AZU1: variants seen among roughly 807,000 people sequenced by gnomAD.
The protein encoded by AZU1 is azurocidin.
AZU1 carries 21 observed loss-of-function variants against 17.8 expected under a neutral mutation model. The observed-to-expected ratio is 1.18, with a 90% CI of 0.84 to 1.70. The LOEUF is 1.70. Among genes scored for constraint, AZU1 ranks in the 40% most tolerant of loss-of-function variants. The pLI is 0.00. For synonymous variants in AZU1, 178 were observed against 155.2 expected (o/e 1.15, Z -1.09); for missense variants, 379 against 362.9 (o/e 1.04, Z -0.36).
rs561671859 is a variant in AZU1, at chr19:831,934, G to A, written c.*57G>A. On this transcript the variant is annotated 3_prime_UTR_variant, in exon 5 of 5. Coordinates refer to ENST00000233997, the MANE Select transcript of AZU1 (RefSeq NM_001700.5). ...CCGCCCTCCACACCTCCGGCGCTCCGCACCCACCTCCCACGGCCCCGCCCC... is the reference window on the plus strand; with the variant it reads ...CCGCCCTCCACACCTCCGGCGCTCCACACCCACCTCCCACGGCCCCGCCCC... 71 of 1,555,446 alleles carry A rather than the reference G, an allele frequency of 4.6e-5. No homozygotes were observed. The highest frequency in any genetic ancestry group is 3.6e-4 in the East Asian group (16 of 44,130).
intron 2 of AZU1, among the ~76,000 whole-genome samples, chr19:828,624 G>T (rs977793393): frequency 6.6e-6 from 1 of 150,498 alleles, no homozygotes; most frequent in South Asian, 2.1e-4. Context: ...GTCAGATGGA[G>T]GAGGCCCAGA....
intron 3 of AZU1, 100 bp downstream of exon 3, chr19:829,806 T>G: frequency 3.5e-6 from 5 of 1,445,228 alleles, no homozygotes; most frequent in South Asian, 1.3e-5. Context: ...ATACAAAAAT[T>G]AGCCGGGAGT....
chr19:828,803 G>T (rs1227794320), intron 2 of AZU1, among the ~76,000 whole-genome samples: 50 of 132,786 alleles, frequency 3.8e-4, no homozygotes, highest in East Asian at 1.2e-3. Flanking sequence ...GAGGCCCAGA[G>T]AAGGGAAGGG....
At position 831,896 on chromosome 19, in the gene AZU1, A is replaced by G. The variant is rs761981708; in HGVS notation, c.*19A>G. 4 of 1,605,506 alleles carry G rather than the reference A, an allele frequency of 2.5e-6. No homozygotes were observed. Among genetic ancestry groups the G allele is most frequent in the African/African-American group, 1.3e-5 (1 of 74,838 alleles). On this transcript the variant is annotated 3_prime_UTR_variant, in exon 5 of 5. Coordinates refer to ENST00000233997, the MANE Select transcript of AZU1 (RefSeq NM_001700.5). Reference sequence around the variant, plus strand: ...AGCCTAGGGGGGCCTGTGACCTCCCATGGAGCCCAGCCCCGCCCTCCACAC... The same window carrying G: ...AGCCTAGGGGGGCCTGTGACCTCCCGTGGAGCCCAGCCCCGCCCTCCACAC...
intron 4 of AZU1, 95 bp from the exon 5 acceptor site, chr19:831,621 T>A: frequency 1.5e-6 from 2 of 1,343,400 alleles, no homozygotes; most frequent in South Asian, 2.9e-5. Context: ...GGATCAGGAC[T>A]TGTAGGTTCC....
chr19:828,588 G>A (rs945018582), intron 2 of AZU1, among the ~76,000 whole-genome samples: 15 of 151,484 alleles, frequency 9.9e-5, no homozygotes, highest in Non-Finnish European at 1.8e-4. Context: ...GGGCTCAGAT[G>A]GAGGAGGCCC....
At chr19:830,977 G>T in intron 4 of AZU1, 36 bp downstream of exon 4, 1 of 1,582,648 alleles carries the variant, frequency 6.3e-7, no homozygotes. Flanking sequence ...GGGGTCCTGA[G>T]AGGTACTGAG....
At chr19:829,184 TGGG>T (rs2035253542) in intron 2 of AZU1, among the ~76,000 whole-genome samples, 1 of 57,708 alleles carries the variant, frequency 1.7e-5, no homozygotes, top group Non-Finnish European at 3.1e-5. Context: ...TGGGGTCAGA[TGGG>T]GGAGGTGCAG....
chr19:831,487 C>G, intron 4 of AZU1: 1 of 543,756 alleles, frequency 1.8e-6, no homozygotes, highest in Non-Finnish European at 3.2e-6. Flanking sequence ...GTGTGATTGC[C>G]AGGGGAGGGG....
At chr19:830,978 A>T in intron 4 of AZU1, 37 bp downstream of exon 4, 1 of 1,582,612 alleles carries the variant, frequency 6.3e-7, no homozygotes, top group Non-Finnish European at 8.6e-7. Context: ...GGGTCCTGAG[A>T]GGTACTGAGC....
chr19:829,470 G>T (rs2035258999), intron 2 of AZU1, 92 bp from the exon 3 acceptor site: 3 of 1,489,610 alleles, frequency 2.0e-6, no homozygotes, highest in Admixed American at 1.9e-5. Flanking sequence ...CAGTCTGCAG[G>T]CTGGGATCCC....
intron 2 of AZU1, among the ~76,000 whole-genome samples, chr19:828,932 G>A (rs664110): frequency 0.61 from 50,351 of 83,088 alleles, 15,728 homozygotes; most frequent in African/African-American, 0.83. Flanking sequence ...GAGGAGGTGC[G>A]GAGAAGGGAA....
In AZU1 at chr19:828,260, G is replaced by A. The variant is rs2035239087; in HGVS notation, c.89G>A (p.Gly30Asp). ...AGCCCCCTTTTGGACATCGTTGGCG[G>A]CCGGAAGGCGAGGCCCCGCCAGTTC... ...GSSPLLDIVG[G>D]RKARPRQFPF... Residue 30 changes from glycine (G) to aspartate (D), a missense_variant, in exon 2 of 5, where the codon GGC becomes GAC. By Grantham distance (94) the Gly-to-Asp change is moderately conservative. Transcript: ENST00000233997. 1 of 1,608,374 alleles carries A rather than the reference G, an allele frequency of 6.2e-7. No individual in the cohort carries two copies. The highest frequency in any genetic ancestry group is 8.5e-7 in the Non-Finnish European group (1 of 1,178,622).
At position 831,476 on chromosome 19, in the gene AZU1, C is replaced by T. The variant is rs544878561; in HGVS notation, c.595-240C>T. 65 of 534,674 alleles carry T rather than the reference C, an allele frequency of 1.2e-4. 1 individual carries two copies. Among genetic ancestry groups the T allele is most frequent in the Admixed American group, 5.4e-4 (17 of 31,206 alleles). The allele number at this position is 534,674 out of a possible 1,614,324, so 33.1% of individuals were successfully genotyped here. On this transcript the variant is annotated intron_variant, in intron 4 of 4. Coordinates refer to ENST00000233997, the MANE Select transcript of AZU1 (RefSeq NM_001700.5). ...AGAGCCGGTCACTGAGGGACTCAGG[C>T]GTGTGATTGCCAGGGGAGGGGCACC...
In AZU1 at chr19:831,954, C is replaced by T. The variant is rs974198206; in HGVS notation, c.*77C>T. On this transcript the variant is annotated 3_prime_UTR_variant, in exon 5 of 5. Transcript: ENST00000233997. ...GCTCCGCACCCACCTCCCACGGCCCCGCCCCTGCCCCCGCTCCGGCCAGAG... is the reference window on the plus strand; with the variant it reads ...GCTCCGCACCCACCTCCCACGGCCCTGCCCCTGCCCCCGCTCCGGCCAGAG... 1.1e-4 allele frequency: 165 copies of T among 1,488,196 alleles called. No individual in the cohort carries two copies. Among genetic ancestry groups the T allele is most frequent in the Admixed American group, 2.8e-4 (14 of 49,666 alleles). The allele number at this position is 1,488,196 out of a possible 1,614,324, so 92.2% of individuals were successfully genotyped here.
At chr19:830,593 A>T in intron 3 of AZU1, 115 bp from the exon 4 acceptor site, 2 of 951,240 alleles carry the variant, frequency 2.1e-6, no homozygotes, top group Non-Finnish European at 3.0e-6. Flanking sequence ...GCCGGGAATT[A>T]AACGCAAACC....
In AZU1 at chr19:830,768, G is replaced by T. The variant is rs28664760; in HGVS notation, c.421G>T (p.Ala141Ser). ...VTILPLPLQN[A>S]TVEAGTRCQV... ...GATACTGCCACTGCCTCTGCAGAACGCCACGGTGGAAGCCGGCACCAGATG... is the reference window on the plus strand; with the variant it reads ...GATACTGCCACTGCCTCTGCAGAACTCCACGGTGGAAGCCGGCACCAGATG... Residue 141 changes from alanine (A) to serine (S), a missense_variant, in exon 4 of 5, where the codon GCC becomes TCC. Coordinates refer to ENST00000233997, the MANE Select transcript of AZU1 (RefSeq NM_001700.5). 3.7e-6 allele frequency: 6 copies of T among 1,603,800 alleles called. No individual in the cohort carries two copies. The South Asian group carries it at 4.4e-5, about 12-fold the overall frequency.
chr19:829,044 G>T (rs2035251028), intron 2 of AZU1, among the ~76,000 whole-genome samples: 1 of 110,398 alleles, frequency 9.1e-6, no homozygotes, highest in Admixed American at 9.2e-5. Flanking sequence ...GAAGGGAAGG[G>T]GGTCAGATGG....
At chr19:827,960 G>C (rs1281878060) in intron 1 of AZU1, 56 bp downstream of exon 1, 4 of 1,532,436 alleles carry the variant, frequency 2.6e-6, no homozygotes, top group Non-Finnish European at 3.5e-6. Flanking sequence ...CGGCTGCCAG[G>C]GCAGAACTCA....
Sources: allele counts gnomAD v4.1 joint callset (sites outside exome capture counted in the v4.1 genomes callset), GRCh38; gene constraint gnomAD v4.1.1; transcripts MANE v1.5; gene names NCBI Gene and HGNC (gene_info 2026-07-23, HGNC 2026-07-21).